The following USP6NL variants were observed in gnomAD, a reference collection of about 807,000 sequenced individuals.
The protein encoded by USP6NL is USP6 N-terminal like.
USP6NL carries 26 observed loss-of-function variants against 61.9 expected under a neutral mutation model. That is an observed-to-expected ratio of 0.42 (90% CI 0.31 to 0.58). The LOEUF (loss-of-function observed/expected upper bound fraction) is 0.58. USP6NL is among the 20% of genes least tolerant of loss of function. The pLI, the probability that USP6NL is intolerant of heterozygous loss-of-function variation, is 0.16. For synonymous variants in USP6NL, 432 were observed against 390.1 expected (o/e 1.11, Z -1.27); for missense variants, 1,114 against 1,034.3 (o/e 1.08, Z -1.06).
chr10:11,535,995 G>C (rs891727295), intron 2 of USP6NL, among the ~76,000 whole-genome samples: 3 of 152,120 alleles, frequency 2.0e-5, no homozygotes, highest in Non-Finnish European at 4.4e-5. Flanking sequence ...GCTCAGAGGA[G>C]GAATGAGCAG....
chr10:11,588,622 A>T (rs1566202177), intron 2 of USP6NL, among the ~76,000 whole-genome samples: 1 of 152,224 alleles, frequency 6.6e-6, no homozygotes, highest in Non-Finnish European at 1.5e-5. Flanking sequence ...AAGAAAAAAA[A>T]TAATGAAGGA....
At chr10:11,610,039 C>A (rs763546884) in intron 1 of USP6NL, among the ~76,000 whole-genome samples, 1 of 152,138 alleles carries the variant, frequency 6.6e-6, no homozygotes, top group Non-Finnish European at 1.5e-5. Context: ...AAGGATGTTT[C>A]TTTGAGTGCC....
chr10:11,554,196 A>G (rs1342000591), intron 2 of USP6NL, among the ~76,000 whole-genome samples: 1 of 152,196 alleles, frequency 6.6e-6, no homozygotes, highest in East Asian at 1.9e-4. Context: ...TGCAGCCCCA[A>G]ATAGAAACTG....
At chr10:11,573,304 A>G (rs1837426976) in intron 2 of USP6NL, among the ~76,000 whole-genome samples, 1 of 152,210 alleles carries the variant, frequency 6.6e-6, no homozygotes, top group Non-Finnish European at 1.5e-5. Flanking sequence ...TTCTACCTCC[A>G]AAATACATAA....
intron 2 of USP6NL, among the ~76,000 whole-genome samples, chr10:11,539,901 A>C (rs534780275): frequency 6.6e-6 from 1 of 152,352 alleles, no homozygotes; most frequent in East Asian, 1.9e-4. Context: ...TCCACTTTAC[A>C]TATGTGGAGA....
rs1838313224 is a variant in USP6NL at position 11,595,934 on chromosome 10, C to T, written c.4+1697G>A. Among the ~76,000 whole-genome samples the T allele has an allele frequency of 6.6e-6, 1 of 152,086 alleles. No individual in the cohort carries two copies. The highest frequency in any genetic ancestry group is 6.5e-5 in the Admixed American group (1 of 15,270). Reference sequence around the variant, plus strand: ...TCTTGCAAATGAAATATAAATATTACAATTTAAAGGTGAAAAATGTTATGT... The same window carrying T: ...TCTTGCAAATGAAATATAAATATTATAATTTAAAGGTGAAAAATGTTATGT... On this transcript the variant is annotated intron_variant, in intron 2 of 14. Coordinates refer to ENST00000609104, the MANE Select transcript of USP6NL (RefSeq NM_014688.5). The surrounding 1 kb of genome is among the most constrained non-coding windows in gnomAD (Gnocchi z 5.3).
rs1405716728 is a variant in USP6NL at position 11,562,534 on chromosome 10, C to T, written c.5-34967G>A. ...CGGGTCACTCAAGACATTGCTTGGC[C>T]ACTGTGACTACTCTGAGTCTAGCTA... On this transcript the variant is annotated intron_variant, in intron 2 of 14. Coordinates refer to ENST00000609104, the MANE Select transcript of USP6NL (RefSeq NM_014688.5). The surrounding 1 kb of genome is among the most constrained non-coding windows in gnomAD (Gnocchi z 4.8). 9.1e-6 allele frequency: 9 copies of T among 985,270 alleles called. No individual in the cohort carries two copies. Among genetic ancestry groups the T allele is most frequent in the African/African-American group, 1.7e-5 (1 of 57,208 alleles). 61.0% of individuals were successfully genotyped at this position (985,270 alleles called of 1,614,324 possible).
At chr10:11,542,051 A>T (rs767028645) in intron 2 of USP6NL, among the ~76,000 whole-genome samples, 56 of 152,358 alleles carry the variant, frequency 3.7e-4, no homozygotes, top group Non-Finnish European at 6.3e-4. Flanking sequence ...ATCTCTATGG[A>T]TACCTGAAAG....
chr10:11,589,458 A>T lies in USP6NL; in HGVS notation c.4+8173T>A, dbSNP rs1838088199. Among the ~76,000 whole-genome samples, 1 of 152,342 alleles carries T rather than the reference A, an allele frequency of 6.6e-6. No homozygotes were observed. Among genetic ancestry groups the T allele is most frequent in the African/African-American group, 2.4e-5 (1 of 41,582 alleles). ...ATATCATAGAAAGACAATAATATAA[A>T]ATTGTTACCAAAGGAAAATACAAAG... On this transcript the variant is annotated intron_variant, in intron 2 of 14. Transcript: ENST00000609104. This position sits in a 1 kb window ranked among gnomAD's most constrained non-coding sequence, Gnocchi z 4.7.
chr10:11,472,671 T>A (rs1033246040), intron 14 of USP6NL, among the ~76,000 whole-genome samples: 2 of 152,276 alleles, frequency 1.3e-5, no homozygotes, highest in Non-Finnish European at 2.9e-5. Context: ...AATGACTTTA[T>A]ATTTAATGTA....
intron 2 of USP6NL, among the ~76,000 whole-genome samples, chr10:11,590,463 G>A (rs1838126407): frequency 2.6e-5 from 4 of 152,118 alleles, no homozygotes; most frequent in Admixed American, 1.3e-4. Context: ...AAAACTGGAT[G>A]TTACTTATGT....
At chr10:11,608,667 A>ATCC (rs1476374984) in intron 1 of USP6NL, among the ~76,000 whole-genome samples, 1 of 152,188 alleles carries the variant, frequency 6.6e-6, no homozygotes, top group African/African-American at 2.4e-5. Context: ...ACTTCACATC[A>ATCC]AAGGACTCAT....
In USP6NL at chr10:11,474,262, A is replaced by G. The variant is rs981824201; in HGVS notation, c.1078+7508T>C. On this transcript the variant is annotated intron_variant, in intron 14 of 14. Coordinates refer to ENST00000609104, the MANE Select transcript of USP6NL (RefSeq NM_014688.5). The surrounding 1 kb of genome is among the most constrained non-coding windows in gnomAD (Gnocchi z 4.9). Reference sequence around the variant, plus strand: ...AGAATTTGGCCAAGTTGGCCTTCTTATGCCAATTTAAAAATATGCAAATGA... The same window carrying G: ...AGAATTTGGCCAAGTTGGCCTTCTTGTGCCAATTTAAAAATATGCAAATGA... Among the ~76,000 whole-genome samples, 1 of 152,246 alleles carries G rather than the reference A, an allele frequency of 6.6e-6. No individual in the cohort carries two copies. The highest frequency in any genetic ancestry group is 1.5e-5 in the Non-Finnish European group (1 of 68,038).
At chr10:11,564,526 T>G (rs1053102621) in intron 2 of USP6NL, 1 of 152,242 alleles carries the variant, frequency 6.6e-6, no homozygotes, top group Non-Finnish European at 1.5e-5. Context: ...TTCAGAATTA[T>G]TCACTTTTCT....
chr10:11,563,914 AT>A (rs1837031088), intron 2 of USP6NL: 1 of 152,238 alleles, frequency 6.6e-6, no homozygotes, highest in African/African-American at 2.4e-5. Context: ...TTTTGTTGAC[AT>A]TTTGGATTGT....
chr10:11,532,355 C>G lies in USP6NL; in HGVS notation c.5-4788G>C, dbSNP rs1835694617. ...CTAAAACAAAGAAAGGCAGAGGCAGCTCTACTTTAAACTATCTGTGAAACA... is the reference window on the plus strand; with the variant it reads ...CTAAAACAAAGAAAGGCAGAGGCAGGTCTACTTTAAACTATCTGTGAAACA... On this transcript the variant is annotated intron_variant, in intron 2 of 14. Transcript: ENST00000609104. This position sits in a 1 kb window ranked among gnomAD's most constrained non-coding sequence, Gnocchi z 4.1. 1 of 739,180 alleles carries G rather than the reference C, an allele frequency of 1.4e-6. No individual in the cohort carries two copies. The highest frequency in any genetic ancestry group is 1.8e-5 in the African/African-American group (1 of 55,866). 45.8% of individuals were successfully genotyped at this position (739,180 alleles called of 1,614,324 possible). A position where few individuals can be genotyped will look rare whatever the true frequency, so the allele number is the denominator to read the frequency against.
chr10:11,539,873 T>A (rs1835980227), intron 2 of USP6NL, among the ~76,000 whole-genome samples: 1 of 152,250 alleles, frequency 6.6e-6, no homozygotes, highest in African/African-American at 2.4e-5. Context: ...AAAGCCTATG[T>A]TAGTTTTTAT....
intron 14 of USP6NL, among the ~76,000 whole-genome samples, chr10:11,480,540 C>T (rs1434535909): frequency 6.6e-6 from 1 of 152,194 alleles, no homozygotes; most frequent in Non-Finnish European, 1.5e-5. Context: ...ACAAAGGCAA[C>T]GGCTCCACAA....
chr10:11,460,652 T>TAA lies in USP6NL; in HGVS notation c.*1788_*1789insTT, dbSNP rs1243892472. 1 of 135,216 alleles carries TAA rather than the reference T, an allele frequency of 7.4e-6. No individual in the cohort carries two copies. Among genetic ancestry groups the TAA allele is most frequent in the Non-Finnish European group, 1.6e-5 (1 of 63,950 alleles). 8.4% of individuals were successfully genotyped at this position (135,216 alleles called of 1,614,324 possible). A position where few individuals can be genotyped will look rare whatever the true frequency, so the allele number is the denominator to read the frequency against. On this transcript the variant is annotated 3_prime_UTR_variant, in exon 15 of 15. Transcript: ENST00000609104. ...ATATATATATATATATATATATATA[T>TAA]ATAAAAATCTACAGTATTTACCACT...
Sources: allele counts gnomAD v4.1 joint callset (sites outside exome capture counted in the v4.1 genomes callset), GRCh38; gene constraint gnomAD v4.1.1; non-coding constraint Gnocchi (gnomAD v3.1); transcripts MANE v1.5; gene names NCBI Gene and HGNC (gene_info 2026-07-23, HGNC 2026-07-21).